The following SGCZ variants were observed in gnomAD, a reference collection of about 807,000 sequenced individuals.
SGCZ encodes the protein zeta-sarcoglycan.
A neutral mutation model predicts 41.3 loss-of-function variants in SGCZ; 40 were observed. That is an observed-to-expected ratio of 0.97 (90% CI 0.75 to 1.26). SGCZ has a LOEUF of 1.26. SGCZ is among the 50% of genes most tolerant of loss of function. SGCZ has a pLI of 0.00. For synonymous variants in SGCZ, 206 were observed against 137.5 expected, an observed-to-expected ratio of 1.50 and a Z score of -3.49; for missense variants, 552 against 369.8, an observed-to-expected ratio of 1.49 and a Z score of -4.04.
intron 1 of SGCZ, among the ~76,000 whole-genome samples, chr8:14,715,534 C>CCACACACACACA (rs3069627): frequency 7.5e-5 from 10 of 133,374 alleles, no homozygotes; most frequent in East Asian, 2.4e-4. Flanking sequence ...ATATCCTCCA[C>CCACACACACACA]CACACACACA....
At chr8:14,205,337 G>A (rs1805584534) in intron 4 of SGCZ, among the ~76,000 whole-genome samples, 2 of 152,098 alleles carry the variant, frequency 1.3e-5, no homozygotes, top group African/African-American at 4.8e-5. Flanking sequence ...CAAATCTTCA[G>A]AAAGCAATGT....
At chr8:14,625,659 G>A (rs766501485) in intron 1 of SGCZ, among the ~76,000 whole-genome samples, 1 of 152,026 alleles carries the variant, frequency 6.6e-6, no homozygotes, top group Non-Finnish European at 1.5e-5. Context: ...TTGAACTCCT[G>A]GAATTAAGTA....
chr8:14,322,891 C>T (rs1343715311), intron 3 of SGCZ, among the ~76,000 whole-genome samples: 1 of 152,082 alleles, frequency 6.6e-6, no homozygotes, highest in African/African-American at 2.4e-5. Flanking sequence ...TGTAACCAGG[C>T]TTTTTGTTTC....
At chr8:14,132,610 T>C (rs182623161) in intron 5 of SGCZ, among the ~76,000 whole-genome samples, 37 of 152,354 alleles carry the variant, frequency 2.4e-4, no homozygotes, top group Admixed American at 8.5e-4. Context: ...TTTCTTTAGC[T>C]ACTTGAACAT....
chr8:14,887,290 TA>T, intron 1 of SGCZ, among the ~76,000 whole-genome samples: 1 of 152,370 alleles, frequency 6.6e-6, no homozygotes, highest in East Asian at 1.9e-4. Flanking sequence ...TTTCCATGGA[TA>T]ACTATATATG....
Position 14,918,141 on chromosome 8 carries a change from G to C in SGCZ, c.39+319444C>G, listed in dbSNP as rs374627974. Among the ~76,000 whole-genome samples the C allele has an allele frequency of 5.3e-4, 81 of 152,240 alleles. No homozygotes were observed. The East Asian group carries it at 0.012, about 23-fold the overall frequency. On this transcript the variant is annotated intron_variant, in intron 1 of 7. Transcript: ENST00000382080. ...AGCAATCTTTTAAGATGGAAAATGA[G>C]GTGAATATCCTCGTATTTCTTTCTT...
At chr8:14,237,523 C>A (rs973264659) in intron 4 of SGCZ, 69 bp downstream of exon 4, 2 of 1,423,876 alleles carry the variant, frequency 1.4e-6, no homozygotes, top group Non-Finnish European at 2.0e-6. Flanking sequence ...ACAACAAGAA[C>A]CAAAAACCAA....
chr8:15,125,480 G>A (rs1448483107), intron 1 of SGCZ, among the ~76,000 whole-genome samples: 1 of 152,210 alleles, frequency 6.6e-6, no homozygotes, highest in Admixed American at 6.5e-5. Flanking sequence ...AAACTTCTCT[G>A]ATCCTTCCAA....
At chr8:14,223,577 C>A (rs1479670599) in intron 4 of SGCZ, among the ~76,000 whole-genome samples, 2 of 151,872 alleles carry the variant, frequency 1.3e-5, no homozygotes, top group African/African-American at 4.8e-5. Flanking sequence ...GCTGTTGGAA[C>A]TAACAGGGAA....
intron 1 of SGCZ, among the ~76,000 whole-genome samples, chr8:14,639,923 T>A (rs984940169): frequency 1.3e-5 from 2 of 151,660 alleles, no homozygotes; most frequent in African/African-American, 4.8e-5. Flanking sequence ...CTTGGACACT[T>A]GATACTGTAT....
intron 1 of SGCZ, among the ~76,000 whole-genome samples, chr8:14,903,351 G>T (rs1351144250): frequency 6.6e-6 from 1 of 152,024 alleles, no homozygotes; most frequent in African/African-American, 2.4e-5. Flanking sequence ...ACCACTAACT[G>T]CTGACAGATA....
intron 1 of SGCZ, among the ~76,000 whole-genome samples, chr8:14,668,876 T>C (rs1026563264): frequency 1.3e-5 from 2 of 152,118 alleles, no homozygotes; most frequent in Non-Finnish European, 2.9e-5. Flanking sequence ...AATAAATCAC[T>C]ACAATAAAGC....
At chr8:14,368,889 T>C (rs575945566) in intron 2 of SGCZ, among the ~76,000 whole-genome samples, 1 of 152,034 alleles carries the variant, frequency 6.6e-6, no homozygotes, top group African/African-American at 2.4e-5. Context: ...CATAGAAAAC[T>C]ATGGGAAGTC....
chr8:15,080,997 G>C (rs1463171506), intron 1 of SGCZ, among the ~76,000 whole-genome samples: 1 of 152,068 alleles, frequency 6.6e-6, no homozygotes, highest in African/African-American at 2.4e-5. Context: ...TACAAGCCAA[G>C]CAGAGAGGCC....
chr8:14,340,546 G>C (rs371377381), intron 2 of SGCZ, among the ~76,000 whole-genome samples: 1 of 152,016 alleles, frequency 6.6e-6, no homozygotes, highest in African/African-American at 2.4e-5. Context: ...TTTATCTCCA[G>C]AATTTATCGA....
intron 5 of SGCZ, among the ~76,000 whole-genome samples, chr8:14,132,373 A>T (rs1435164657): frequency 6.6e-6 from 1 of 152,194 alleles, no homozygotes; most frequent in Admixed American, 6.5e-5. Context: ...TACAAATTTC[A>T]AAGGCACAGA....
chr8:14,533,144 C>A, intron 2 of SGCZ, among the ~76,000 whole-genome samples: 1 of 151,770 alleles, frequency 6.6e-6, no homozygotes, highest in Non-Finnish European at 1.5e-5. Context: ...TCCTTCCCCA[C>A]TCCCCCCACC....
At chr8:15,189,122 G>A (rs532152701) in intron 1 of SGCZ, among the ~76,000 whole-genome samples, 4 of 152,072 alleles carry the variant, frequency 2.6e-5, no homozygotes, top group Admixed American at 2.0e-4. Context: ...TCACTATAAC[G>A]GTTTTGCTTT....
intron 4 of SGCZ, among the ~76,000 whole-genome samples, chr8:14,188,767 A>G (rs1490859872): frequency 6.6e-6 from 1 of 151,936 alleles, no homozygotes; most frequent in African/African-American, 2.4e-5. Flanking sequence ...ACATATCCAA[A>G]ATAATAATCC....
Sources: gnomAD v4.1 joint callset for allele counts (sites outside exome capture counted in the v4.1 genomes callset) on GRCh38, gnomAD v4.1.1 for gene constraint, MANE v1.5 for transcripts, NCBI Gene and HGNC (gene_info 2026-07-23, HGNC 2026-07-21) for gene names.